The following SLC25A21 variants were observed in gnomAD, a reference collection of about 807,000 sequenced individuals.
SLC25A21 encodes mitochondrial 2-oxodicarboxylate carrier.
In SLC25A21, 47 loss-of-function variants were observed where a neutral mutation model predicts 43.8. The observed-to-expected ratio is 1.07, with a 90% CI of 0.85 to 1.37. The LOEUF is 1.37. Among genes scored for constraint, SLC25A21 ranks in the 40% most tolerant of loss-of-function variants. SLC25A21 has a pLI of 0.00. For missense variants in SLC25A21, 352 were observed against 350.2 expected (o/e 1.00, Z -0.04); for synonymous variants, 131 against 121.3 (o/e 1.08, Z -0.52).
At chr14:36,920,160 A>C (rs893417394) in intron 1 of SLC25A21, among the ~76,000 whole-genome samples, 12 of 152,028 alleles carry the variant, frequency 7.9e-5, no homozygotes, top group Admixed American at 2.6e-4. Context: ...TTTTTCACTT[A>C]CGGCAGTACA....
At chr14:37,066,019 G>A (rs190672129) in intron 1 of SLC25A21, among the ~76,000 whole-genome samples, 7 of 152,222 alleles carry the variant, frequency 4.6e-5, no homozygotes, top group East Asian at 1.9e-4. Context: ...CGGGATATTC[G>A]TATAATCTTA....
intron 1 of SLC25A21, among the ~76,000 whole-genome samples, chr14:36,934,511 CTTCAT>C (rs1161062747): frequency 6.7e-6 from 1 of 150,252 alleles, no homozygotes; most frequent in Non-Finnish European, 1.5e-5. Context: ...GGAATTAACT[CTTCAT>C]TTATATTAAA....
At chr14:36,901,646 C>T (rs1891402143) in intron 1 of SLC25A21, among the ~76,000 whole-genome samples, 2 of 151,816 alleles carry the variant, frequency 1.3e-5, no homozygotes, top group Admixed American at 6.6e-5. Context: ...TGTAAAAGTA[C>T]CAGTTAGTGG....
intron 1 of SLC25A21, among the ~76,000 whole-genome samples, chr14:37,167,142 G>A (rs1964042877): frequency 6.6e-6 from 1 of 152,170 alleles, no homozygotes; most frequent in African/African-American, 2.4e-5. Flanking sequence ...TGAAAAATAA[G>A]ACTGAAAGCT....
intron 1 of SLC25A21, among the ~76,000 whole-genome samples, chr14:36,996,143 G>A (rs1960367096): frequency 6.6e-6 from 1 of 152,060 alleles, no homozygotes; most frequent in African/African-American, 2.4e-5. Flanking sequence ...CCTGCCCTCA[G>A]GGAATATCAC....
intron 1 of SLC25A21, among the ~76,000 whole-genome samples, chr14:37,163,760 C>A (rs1377764820): frequency 6.6e-6 from 1 of 152,000 alleles, no homozygotes; most frequent in Non-Finnish European, 1.5e-5. Flanking sequence ...GGAATAAATT[C>A]AATGTTTGAT....
intron 1 of SLC25A21, among the ~76,000 whole-genome samples, chr14:36,975,137 G>GT (rs777811800): frequency 5.3e-4 from 81 of 152,280 alleles, no homozygotes; most frequent in Middle Eastern, 3.4e-3. Flanking sequence ...GGATATACAA[G>GT]ACTACGCAGA....
intron 2 of SLC25A21, among the ~76,000 whole-genome samples, chr14:36,837,596 A>G (rs1889252364): frequency 6.6e-6 from 1 of 152,142 alleles, no homozygotes; most frequent in South Asian, 2.1e-4. Context: ...CTGTGGGGCC[A>G]TGTCCAGTCA....
intron 6 of SLC25A21, among the ~76,000 whole-genome samples, chr14:36,713,911 C>T (rs1018028406): frequency 2.0e-5 from 3 of 152,070 alleles, no homozygotes; most frequent in African/African-American, 7.2e-5. Flanking sequence ...AGGAGGATCA[C>T]TTGAGGCCTG....
intron 3 of SLC25A21, among the ~76,000 whole-genome samples, chr14:36,754,071 T>A (rs542843919): frequency 6.6e-6 from 1 of 152,378 alleles, no homozygotes; most frequent in Admixed American, 6.5e-5. Flanking sequence ...GCTAATTTTA[T>A]GTATCAACTT....
intron 1 of SLC25A21, among the ~76,000 whole-genome samples, chr14:37,165,977 T>C (rs1033175355): frequency 1.3e-5 from 2 of 152,170 alleles, no homozygotes; most frequent in Admixed American, 6.5e-5. Context: ...AATGATGTCA[T>C]ATGCAGGGGC....
intron 1 of SLC25A21, among the ~76,000 whole-genome samples, chr14:37,087,396 G>T (rs1294968825): frequency 6.6e-6 from 1 of 152,142 alleles, no homozygotes; most frequent in Non-Finnish European, 1.5e-5. Flanking sequence ...AGAAAGTTGG[G>T]TTATCTGTGA....
chr14:36,978,390 G>A (rs906640546), intron 1 of SLC25A21, among the ~76,000 whole-genome samples: 1 of 152,166 alleles, frequency 6.6e-6, no homozygotes, highest in Admixed American at 6.5e-5. Context: ...CTAAAAAAAT[G>A]ATGTGCATAT....
chr14:36,734,500 T>G lies in SLC25A21; in HGVS notation c.270+7A>C, dbSNP rs1393850195. Reference sequence around the variant, plus strand: ...TTTTGCTTGGTGCGAACGCATGCAATGCTTACCTTCACTGCTCTTTTTGGG... The same window carrying G: ...TTTTGCTTGGTGCGAACGCATGCAAGGCTTACCTTCACTGCTCTTTTTGGG... On this transcript the variant is annotated splice_region_variant and intron_variant, in intron 4 of 9. Coordinates refer to ENST00000331299, the MANE Select transcript of SLC25A21 (RefSeq NM_030631.4). 5 of 1,604,832 alleles carry G rather than the reference T, an allele frequency of 3.1e-6. No individual in the cohort carries two copies. The Admixed American group carries it at 5.1e-5, about 16-fold the overall frequency.
At chr14:37,055,907 G>A (rs1961814649) in intron 1 of SLC25A21, among the ~76,000 whole-genome samples, 1 of 140,052 alleles carries the variant, frequency 7.1e-6, no homozygotes, top group South Asian at 2.3e-4. Context: ...ATCTCATGTT[G>A]AATTGTGATC....
At chr14:37,096,061 A>T (rs1566878071) in intron 1 of SLC25A21, among the ~76,000 whole-genome samples, 1 of 152,212 alleles carries the variant, frequency 6.6e-6, no homozygotes, top group Non-Finnish European at 1.5e-5. Flanking sequence ...CAACATTATA[A>T]ATAATAACAA....
At chr14:36,928,671 AG>A (rs764733257) in intron 1 of SLC25A21, among the ~76,000 whole-genome samples, 1 of 152,196 alleles carries the variant, frequency 6.6e-6, no homozygotes, top group Non-Finnish European at 1.5e-5. Context: ...TGTGGAACCC[AG>A]TAGAGATTGC....
In SLC25A21 at chr14:36,747,565, AGT is replaced by A. The variant is rs1885546882; in HGVS notation, c.204-12994_204-12993del. Among the ~76,000 whole-genome samples the A allele has an allele frequency of 2.0e-5, 3 of 152,156 alleles. No homozygotes were observed. In the South Asian group the frequency reaches 6.2e-4, roughly 32 times the overall value. On this transcript the variant is annotated intron_variant, in intron 3 of 9. Coordinates refer to ENST00000331299, the MANE Select transcript of SLC25A21 (RefSeq NM_030631.4). Reference sequence around the variant, plus strand: ...TCCTCCACAAAAGGAACCTTAACTAAGTGTGTGACCCAGTGCCTCAGGAATTC... The same window carrying A: ...TCCTCCACAAAAGGAACCTTAACTAAGTGTGACCCAGTGCCTCAGGAATTC...
At position 37,048,531 on chromosome 14, in the gene SLC25A21, T is replaced by C. The variant is rs569619787; in HGVS notation, c.70+123750A>G. Among the ~76,000 whole-genome samples the C allele has an allele frequency of 4.5e-4, 69 of 152,202 alleles. 1 individual carries two copies. Among genetic ancestry groups the C allele is most frequent in the Admixed American group, 6.5e-4 (10 of 15,288 alleles). On this transcript the variant is annotated intron_variant, in intron 1 of 9. Coordinates refer to ENST00000331299, the MANE Select transcript of SLC25A21 (RefSeq NM_030631.4). ...TAAGGAGAAAGTGGCACCACCTAAA[T>C]TGACCTACATTATTCAACAGATTCA...
Sources: gnomAD v4.1 joint callset for allele counts (sites outside exome capture counted in the v4.1 genomes callset) on GRCh38, gnomAD v4.1.1 for gene constraint, MANE v1.5 for transcripts, NCBI Gene and HGNC (gene_info 2026-07-23, HGNC 2026-07-21) for gene names.